Variants in PPL observed in about 807,000 individuals in gnomAD.
The protein encoded by PPL is 190 kDa paraneoplastic pemphigus antigen.
PPL carries 198 observed loss-of-function variants against 194.4 expected under a neutral mutation model. The observed-to-expected ratio is 1.02, with a 90% CI of 0.91 to 1.15. The LOEUF (loss-of-function observed/expected upper bound fraction) is 1.15. PPL is among the 50% of genes most tolerant of loss of function. PPL has a pLI of 0.00. For synonymous variants in PPL, 1,220 were observed against 972.4 expected (o/e 1.25, Z -4.74); for missense variants, 2,885 against 2,294.8 (o/e 1.26, Z -5.25).
intron 1 of PPL, among the ~76,000 whole-genome samples, chr16:4,933,416 T>C (rs2089250847): frequency 6.6e-6 from 1 of 152,088 alleles, no homozygotes; most frequent in Admixed American, 6.6e-5. Context: ...TCAGAAGCGC[T>C]GGGGCTCAGG....
rs111646331 is a variant in PPL, at chr16:4,902,888, C to T, written c.318-362G>A. 7.8e-3 allele frequency among the ~76,000 whole-genome samples: 1,185 copies of T among 152,274 alleles called. 18 individuals are homozygous for T. The highest frequency in any genetic ancestry group is 0.027 in the African/African-American group (1,139 of 41,560). On this transcript the variant is annotated intron_variant, in intron 3 of 21. Transcript: ENST00000345988. This position sits in a 1 kb window ranked among gnomAD's most constrained non-coding sequence, Gnocchi z 4.0. ...ATTTTCAGTAGAGACGGGGTTTCAC[C>T]ATGTTGGTCAGGCTGGTCTCGAACT...
At chr16:4,890,099 G>A in intron 18 of PPL, 85 bp downstream of exon 18, 1 of 1,600,866 alleles carries the variant, frequency 6.2e-7, no homozygotes, top group South Asian at 1.1e-5. Context: ...ACCTCCCAAA[G>A]GCTTGGCTCC....
chr16:4,898,089 T>C (rs917706270), intron 8 of PPL, among the ~76,000 whole-genome samples: 2 of 152,158 alleles, frequency 1.3e-5, no homozygotes, highest in African/African-American at 4.8e-5. Context: ...ACCAAATCCA[T>C]GACCCTGGCC....
At chr16:4,886,210 A>G (rs1370852002) in intron 21 of PPL, among the ~76,000 whole-genome samples, 163 bp from the exon 22 acceptor site, 3 of 148,916 alleles carry the variant, frequency 2.0e-5, no homozygotes, top group Admixed American at 1.3e-4. Context: ...AAAAGGATCA[A>G]ACAACTAGTT....
At chr16:4,925,139 C>T (rs548544720) in intron 1 of PPL, among the ~76,000 whole-genome samples, 1 of 152,256 alleles carries the variant, frequency 6.6e-6, no homozygotes, top group South Asian at 2.1e-4. Context: ...CAGGAGGGTA[C>T]ACCCCTCCCT....
intron 17 of PPL, 40 bp from the exon 18 acceptor site, chr16:4,890,374 A>G: frequency 1.3e-6 from 2 of 1,548,262 alleles, no homozygotes; most frequent in Non-Finnish European, 1.7e-6. Context: ...CACAGCAAAC[A>G]GATGCCTCAC....
intron 1 of PPL, 56 bp from the exon 2 acceptor site, chr16:4,911,005 T>C: frequency 3.7e-6 from 5 of 1,364,088 alleles, no homozygotes; most frequent in South Asian, 1.2e-5. Flanking sequence ...GGGGGCTATG[T>C]CCCCACCAGC....
intron 6 of PPL, among the ~76,000 whole-genome samples, chr16:4,900,533 G>A (rs998540058): frequency 2.8e-5 from 4 of 142,848 alleles, no homozygotes; most frequent in African/African-American, 1.0e-4. Flanking sequence ...TCCACCTCCT[G>A]GGCTCAAGCG....
chr16:4,926,877 T>TAAAAA (rs2089163277), intron 1 of PPL, among the ~76,000 whole-genome samples: 1 of 14,320 alleles, frequency 7.0e-5, no homozygotes. Context: ...AGACTCTGTC[T>TAAAAA]CAAAAAAAAA....
At chr16:4,925,040 T>C (rs952220149) in intron 1 of PPL, among the ~76,000 whole-genome samples, 1 of 152,154 alleles carries the variant, frequency 6.6e-6, no homozygotes, top group African/African-American at 2.4e-5. Flanking sequence ...TGGCCTTTGA[T>C]CACATCTGCA....
chr16:4,926,020 G>A (rs2089148755), intron 1 of PPL, among the ~76,000 whole-genome samples: 1 of 152,202 alleles, frequency 6.6e-6, no homozygotes, highest in African/African-American at 2.4e-5. Flanking sequence ...CCCCACAAGG[G>A]ACTCCCAGCC....
At position 4,883,206 on chromosome 16, in the gene PPL, C is replaced by G; in HGVS notation, c.*178G>C. On this transcript the variant is annotated 3_prime_UTR_variant, in exon 22 of 22. Transcript: ENST00000345988. This position sits in a 1 kb window ranked among gnomAD's most constrained non-coding sequence, Gnocchi z 4.8. ...TGAATGATGGTTGGGACGAGAGTTG[C>G]CTGTCTTCAGCCAGTGCCTGTCTCA... is the stretch of plus-strand genomic sequence containing the variant. 1.3e-6 allele frequency: 1 copy of G among 764,750 alleles called. No homozygotes were observed. Among genetic ancestry groups the G allele is most frequent in the South Asian group, 1.8e-5 (1 of 54,936 alleles). 47.4% of individuals were successfully genotyped at this position (764,750 alleles called of 1,614,324 possible).
In PPL at chr16:4,884,133, C is replaced by T. The variant is rs767802740; in HGVS notation, c.4522G>A (p.Glu1508Lys). 6.2e-7 allele frequency: 1 copy of T among 1,613,716 alleles called. No homozygotes were observed. The highest frequency in any genetic ancestry group is 8.5e-7 in the Non-Finnish European group (1 of 1,180,006). Reference sequence around the variant, plus strand: ...ATCTCTTGCTCGGTGTCGCCCTTCTCCACCTGGACACTCTCGGAGAGCACC... The same window carrying T: ...ATCTCTTGCTCGGTGTCGCCCTTCTTCACCTGGACACTCTCGGAGAGCACC... ...KVVLSESVQV[E>K]KGDTEQEIQR... Residue 1508 changes from glutamate to lysine, a missense_variant, in exon 22 of 22, where the codon GAG becomes AAG. Glu to Lys is a moderately conservative substitution (Grantham distance 56). Coordinates refer to ENST00000345988, the MANE Select transcript of PPL (RefSeq NM_002705.5). This position sits in a 1 kb window ranked among gnomAD's most constrained non-coding sequence, Gnocchi z 5.7.
At chr16:4,899,993 G>A (rs1031541801) in intron 6 of PPL, among the ~76,000 whole-genome samples, 1 of 152,150 alleles carries the variant, frequency 6.6e-6, no homozygotes. Flanking sequence ...GACCCTATGA[G>A]ACAGGAACAT....
Position 4,891,014 on chromosome 16 carries a change from A to G in PPL, c.1969-93T>C, listed in dbSNP as rs576862270. The G allele has an allele frequency of 5.9e-6, 7 of 1,194,082 alleles. No homozygotes were observed. In the African/African-American group the frequency reaches 9.3e-5, roughly 16 times the overall value. 74.0% of individuals were successfully genotyped at this position (1,194,082 alleles called of 1,614,324 possible). ...CTGAAGCCCCTGGGCCACTGACTGT[A>G]GGAGGGTGGGCAAGGCCACAGGTAG... On this transcript the variant is annotated intron_variant, in intron 16 of 21. Coordinates refer to ENST00000345988, the MANE Select transcript of PPL (RefSeq NM_002705.5).
In PPL at chr16:4,885,660, G is replaced by GC. The variant is rs1443642179; in HGVS notation, c.2994dup (p.Arg999AlafsTer5). On this transcript the variant is annotated frameshift_variant, in exon 22 of 22. Transcript: ENST00000345988. LOFTEE classifies it high-confidence loss of function. This position sits in a 1 kb window ranked among gnomAD's most constrained non-coding sequence, Gnocchi z 6.3. ...GCCTGGGCCCTGTCAGGCTCGATGC[G>GC]CAGGACCTCCTTGACCACGTACTCC... 1 of 1,612,736 alleles carries GC rather than the reference G, an allele frequency of 6.2e-7. No individual in the cohort carries two copies. The highest frequency in any genetic ancestry group is 8.5e-7 in the Non-Finnish European group (1 of 1,179,690).
intron 6 of PPL, 52 bp downstream of exon 6, chr16:4,900,778 C>A: frequency 6.2e-7 from 1 of 1,611,676 alleles, no homozygotes; most frequent in Non-Finnish European, 8.5e-7. Flanking sequence ...CGACTCCAAG[C>A]TTCCCATCCT....
chr16:4,892,145 G>C lies in PPL; in HGVS notation c.1719C>G (p.Phe573Leu). 1 of 1,613,836 alleles carries C rather than the reference G, an allele frequency of 6.2e-7. No homozygotes were observed. Among genetic ancestry groups the C allele is most frequent in the Non-Finnish European group, 8.5e-7 (1 of 1,180,032 alleles). Residue 573 changes from phenylalanine (F) to leucine (L), a missense_variant, in exon 15 of 22, where the codon TTC (phenylalanine) becomes TTG (leucine). Coordinates refer to ENST00000345988, the MANE Select transcript of PPL (RefSeq NM_002705.5). The part of the protein sequence containing the change: ...KTRSTAEGEA[F>L]IQALPGSGTT... ...TGCCACTGCCTGGGAGGGCCTGGAT[G>C]AAGGCTTCGCCCTCAGCCGTGCTCC...
In PPL at chr16:4,908,296, C is replaced by T. The variant is rs750328160; in HGVS notation, c.162+2554G>A. On this transcript the variant is annotated intron_variant, in intron 2 of 21. Coordinates refer to ENST00000345988, the MANE Select transcript of PPL (RefSeq NM_002705.5). Reference sequence around the variant, plus strand: ...TGGCTTGAGGCCAGGAGTTCAAGACCAGCCTGGACAACATAGCAAGGACCT... The same window carrying T: ...TGGCTTGAGGCCAGGAGTTCAAGACTAGCCTGGACAACATAGCAAGGACCT... Among the ~76,000 whole-genome samples the T allele has an allele frequency of 4.6e-5, 7 of 152,128 alleles. No individual in the cohort carries two copies. In the East Asian group the frequency reaches 1.2e-3, roughly 25 times the overall value.
Sources: allele counts gnomAD v4.1 joint callset (sites outside exome capture counted in the v4.1 genomes callset), GRCh38; gene constraint gnomAD v4.1.1; non-coding constraint Gnocchi (gnomAD v3.1); transcripts MANE v1.5; gene names NCBI Gene and HGNC (gene_info 2026-07-23, HGNC 2026-07-21).